DNM3: variants seen among roughly 807,000 people sequenced by gnomAD.
The protein encoded by DNM3 is dynamin 3, also known as dynamin-3.
In DNM3, 47 loss-of-function variants were observed where a neutral mutation model predicts 101.6. The observed-to-expected ratio is 0.46, with a 90% CI of 0.37 to 0.59. The LOEUF (loss-of-function observed/expected upper bound fraction) is 0.59, where lower values mean the gene tolerates loss of function less well. Among genes scored for constraint, DNM3 ranks in the 20% least tolerant of loss-of-function variants. The probability of loss-of-function intolerance (pLI) is 0.00; values close to 1 mark genes in which losing one functional copy is unlikely to be tolerated. For synonymous variants in DNM3, 385 were observed against 387.9 expected (o/e 0.99, Z 0.09); for missense variants, 849 against 1,085.7 (o/e 0.78, Z 3.06).
At chr1:171,923,019 A>T (rs2040300410) in intron 2 of DNM3, among the ~76,000 whole-genome samples, 1 of 152,174 alleles carries the variant, frequency 6.6e-6, no homozygotes, top group Admixed American at 6.5e-5. Flanking sequence ...ATTCATGTAC[A>T]TGTTTCTGTG....
chr1:172,039,287 C>T (rs554807057), intron 7 of DNM3, among the ~76,000 whole-genome samples: 35 of 152,224 alleles, frequency 2.3e-4, no homozygotes, highest in Non-Finnish European at 3.4e-4. Flanking sequence ...CCTCTTATGG[C>T]GCACTTTTCT....
At chr1:172,413,832 T>C (rs957831291), downstream of DNM3, among the ~76,000 whole-genome samples, 3 of 152,228 alleles carry the variant, frequency 2.0e-5, no homozygotes, top group Admixed American at 2.0e-4. Context: ...TTCATATCTA[T>C]ACATTTTCCA....
intron 1 of DNM3, among the ~76,000 whole-genome samples, chr1:171,896,801 G>A (rs905863792): frequency 6.6e-5 from 10 of 152,072 alleles, no homozygotes; most frequent in East Asian, 1.9e-4. Context: ...AAATATGTAC[G>A]CTTTCAAAGA....
At chr1:172,215,483 T>C (rs1396464972) in intron 14 of DNM3, among the ~76,000 whole-genome samples, 1 of 152,018 alleles carries the variant, frequency 6.6e-6, no homozygotes, top group Non-Finnish European at 1.5e-5. Flanking sequence ...GTTTTCAAGC[T>C]CCAGTCTTTA....
intron 15 of DNM3, among the ~76,000 whole-genome samples, chr1:172,304,000 T>C (rs766126550): frequency 6.6e-6 from 1 of 151,818 alleles, no homozygotes; most frequent in Non-Finnish European, 1.5e-5. Context: ...GCTAACATCA[T>C]AATGTCAGGA....
At chr1:172,057,391 G>A (rs1197501032) in intron 10 of DNM3, among the ~76,000 whole-genome samples, 5 of 152,194 alleles carry the variant, frequency 3.3e-5, no homozygotes, top group Non-Finnish European at 7.4e-5. Context: ...ACACATAATT[G>A]TCAGATTCAC....
chr1:171,937,848 T>A (rs2041546839), intron 2 of DNM3, among the ~76,000 whole-genome samples: 1 of 152,088 alleles, frequency 6.6e-6, no homozygotes, highest in Non-Finnish European at 1.5e-5. Context: ...CCTAAAGTGC[T>A]TTTGGATTAC....
At chr1:172,167,026 C>T (rs1377163153) in intron 14 of DNM3, among the ~76,000 whole-genome samples, 2 of 151,838 alleles carry the variant, frequency 1.3e-5, no homozygotes, top group East Asian at 3.9e-4. Context: ...CCCATTAACT[C>T]GTCATTTACA....
At chr1:171,988,543 A>C (rs143174343) in intron 3 of DNM3, among the ~76,000 whole-genome samples, 84 of 152,262 alleles carry the variant, frequency 5.5e-4, no homozygotes, top group African/African-American at 1.9e-3. Context: ...ATTAAAAAAA[A>C]AAAATGATAC....
At chr1:172,080,823 C>A (rs1367313401) in intron 11 of DNM3, among the ~76,000 whole-genome samples, 1 of 152,192 alleles carries the variant, frequency 6.6e-6, no homozygotes, top group African/African-American at 2.4e-5. Context: ...GTATCTGGGC[C>A]AGAATGCACC....
At chr1:171,976,186 A>G (rs1310218654) in intron 2 of DNM3, among the ~76,000 whole-genome samples, 1 of 152,220 alleles carries the variant, frequency 6.6e-6, no homozygotes, top group African/African-American at 2.4e-5. Context: ...CATGCAAAAA[A>G]TAAACTTTGA....
At chr1:171,984,331 T>G (rs756422048) in intron 2 of DNM3, among the ~76,000 whole-genome samples, 8 of 152,070 alleles carry the variant, frequency 5.3e-5, no homozygotes, top group Non-Finnish European at 1.0e-4. Context: ...TCAAAGTCCT[T>G]AAAATGGTCC....
intron 13 of DNM3, among the ~76,000 whole-genome samples, chr1:172,106,906 C>A (rs1414101138): frequency 1.5e-5 from 2 of 131,504 alleles, no homozygotes; most frequent in Admixed American, 1.7e-4. Context: ...CAGGCCGGAC[C>A]GCGGACTGCA....
chr1:172,012,808 A>G (rs1388897698), intron 4 of DNM3, among the ~76,000 whole-genome samples: 2 of 152,058 alleles, frequency 1.3e-5, no homozygotes, highest in East Asian at 3.9e-4. Context: ...CATATACAGT[A>G]ATATTACCTG....
chr1:172,198,929 A>G (rs577707213), intron 14 of DNM3, among the ~76,000 whole-genome samples: 1 of 151,426 alleles, frequency 6.6e-6, no homozygotes, highest in Admixed American at 6.6e-5. Flanking sequence ...TTAATTTTTG[A>G]TATTTCTCAT....
intron 15 of DNM3, among the ~76,000 whole-genome samples, chr1:172,275,156 G>T (rs1000277498): frequency 2.6e-5 from 4 of 152,052 alleles, no homozygotes; most frequent in South Asian, 2.1e-4. Context: ...GGGCTCATCA[G>T]GTAGAACCAT....
intron 2 of DNM3, among the ~76,000 whole-genome samples, chr1:171,972,555 A>G (rs989034390): frequency 1.2e-3 from 185 of 152,326 alleles, no homozygotes; most frequent in African/African-American, 4.1e-3. Context: ...GGCACTTTAA[A>G]TACAGATTCC....
At chr1:171,939,967 C>A (rs986755655) in intron 2 of DNM3, among the ~76,000 whole-genome samples, 4 of 152,100 alleles carry the variant, frequency 2.6e-5, no homozygotes, top group African/African-American at 9.7e-5. Flanking sequence ...GCTGCTACAG[C>A]CTGTCTTCCT....
chr1:171,977,152 T>G (rs2044435399), intron 2 of DNM3, among the ~76,000 whole-genome samples: 1 of 152,248 alleles, frequency 6.6e-6, no homozygotes, highest in African/African-American at 2.4e-5. Context: ...GAAACTCTTT[T>G]TGATATTTTC....
Sources: allele counts gnomAD v4.1 joint callset (sites outside exome capture counted in the v4.1 genomes callset), GRCh38; gene constraint gnomAD v4.1.1; transcripts MANE v1.5; gene names NCBI Gene and HGNC (gene_info 2026-07-23, HGNC 2026-07-21).